CYTH3: variants seen among roughly 807,000 people sequenced by gnomAD.
CYTH3 encodes the protein cytohesin 3.
CYTH3 carries 23 observed loss-of-function variants against 55.1 expected under a neutral mutation model. The observed-to-expected ratio is 0.42, with a 90% CI of 0.30 to 0.59. The LOEUF (loss-of-function observed/expected upper bound fraction) is 0.59. Ranked by LOEUF, CYTH3 falls within the 20% of genes least tolerant of loss-of-function variation. The pLI is 0.20. For synonymous variants in CYTH3, 249 were observed against 194.9 expected, an observed-to-expected ratio of 1.28 and a Z score of -2.31; for missense variants, 413 against 524.8, an observed-to-expected ratio of 0.79 and a Z score of 2.08.
At position 6,169,558 on chromosome 7, in the gene CYTH3, G is replaced by A. The variant is rs926002882; in HGVS notation, c.823+977C>T. On this transcript the variant is annotated intron_variant, in intron 9 of 12. Transcript: ENST00000350796. This position sits in a 1 kb window ranked among gnomAD's most constrained non-coding sequence, Gnocchi z 4.1. ...CAGGATGCTCCACTCCATGTCTCAC[G>A]TGCTGCCCAGCGGCCGCCTGCTCTC... Among the ~76,000 whole-genome samples, 4 of 152,218 alleles carry A rather than the reference G, an allele frequency of 2.6e-5. No homozygotes were observed. Among genetic ancestry groups the A allele is most frequent in the African/African-American group, 9.6e-5 (4 of 41,534 alleles).
chr7:6,272,510 T>G lies in CYTH3; in HGVS notation c.-3A>C. On this transcript the variant is annotated 5_prime_UTR_variant, in exon 1 of 13. Coordinates refer to ENST00000350796, the MANE Select transcript of CYTH3 (RefSeq NM_004227.4). Reference sequence around the variant, plus strand: ...TCGCCGCCGCCGTCTTCATCCATCTTGAGGCCACTCCCGCAGCCGGCGAGC... The same window carrying G: ...TCGCCGCCGCCGTCTTCATCCATCTGGAGGCCACTCCCGCAGCCGGCGAGC... 1 of 1,323,976 alleles carries G rather than the reference T, an allele frequency of 7.6e-7. No individual in the cohort carries two copies. The allele number at this position is 1,323,976 out of a possible 1,614,324, so 82.0% of individuals were successfully genotyped here.
At position 6,187,181 on chromosome 7, in the gene CYTH3, C is replaced by A. The variant is rs927042371; in HGVS notation, c.183-65G>T. The A allele has an allele frequency of 7.9e-6, 12 of 1,515,198 alleles. No homozygotes were observed. The African/African-American group carries it at 1.4e-4, about 17-fold the overall frequency. 93.9% of individuals were successfully genotyped at this position (1,515,198 alleles called of 1,614,324 possible). ...TTCACAATGCAGCCCAGTCACGGCCCTCCAGTGTACTTTCCCCCGCAACAA... is the reference window on the plus strand; with the variant it reads ...TTCACAATGCAGCCCAGTCACGGCCATCCAGTGTACTTTCCCCCGCAACAA... On this transcript the variant is annotated intron_variant, in intron 3 of 12. Coordinates refer to ENST00000350796, the MANE Select transcript of CYTH3 (RefSeq NM_004227.4).
intron 1 of CYTH3, among the ~76,000 whole-genome samples, chr7:6,191,924 T>C (rs904572582): frequency 6.6e-6 from 1 of 150,438 alleles, no homozygotes; most frequent in Non-Finnish European, 1.5e-5. Context: ...CTAAAGAAAA[T>C]GAAAAATAGC....
chr7:6,248,389 G>C (rs1432117218), intron 1 of CYTH3, among the ~76,000 whole-genome samples: 1 of 152,122 alleles, frequency 6.6e-6, no homozygotes, highest in African/African-American at 2.4e-5. Context: ...CAGAGATGTG[G>C]TCCATCTTCA....
chr7:6,163,740 A>G lies in CYTH3; in HGVS notation c.*1204T>C, dbSNP rs10281120. ...GTTCTTCCCTCCTCGTAGGGAGGGC[A>G]CCTCTCTCAGGACACGGCGCACTAC... is the stretch of plus-strand genomic sequence containing the variant. On this transcript the variant is annotated 3_prime_UTR_variant, in exon 13 of 13. Coordinates refer to ENST00000350796, the MANE Select transcript of CYTH3 (RefSeq NM_004227.4). The G allele has an allele frequency of 0.063, 9,569 of 152,126 alleles. 735 individuals are homozygous for G. Among genetic ancestry groups the G allele is most frequent in the East Asian group, 0.4 (2,085 of 5,150 alleles). 9.4% of individuals were successfully genotyped at this position (152,126 alleles called of 1,614,324 possible). A position where few individuals can be genotyped will look rare whatever the true frequency, so the allele number is the denominator to read the frequency against.
intron 4 of CYTH3, among the ~76,000 whole-genome samples, chr7:6,182,034 T>G (rs1372789269): frequency 1.3e-5 from 2 of 152,156 alleles, no homozygotes; most frequent in Non-Finnish European, 2.9e-5. Context: ...TTTTTTTGCT[T>G]CTTCTGTTTT....
At chr7:6,259,347 TA>T (rs1366179516) in intron 1 of CYTH3, among the ~76,000 whole-genome samples, 1 of 152,176 alleles carries the variant, frequency 6.6e-6, no homozygotes, top group Non-Finnish European at 1.5e-5. Context: ...GTTGAGAGTT[TA>T]AAGCAGGAAC....
intron 1 of CYTH3, among the ~76,000 whole-genome samples, chr7:6,236,671 C>A (rs571648960): frequency 6.6e-6 from 1 of 152,282 alleles, no homozygotes; most frequent in African/African-American, 2.4e-5. Context: ...CAATTCTCCT[C>A]CTGCCTCAGC....
chr7:6,202,635 G>GT lies in CYTH3; in HGVS notation c.35-12105dup, dbSNP rs985620049. 6.6e-5 allele frequency among the ~76,000 whole-genome samples: 10 copies of GT among 151,942 alleles called. No homozygotes were observed. The South Asian group carries it at 8.3e-4, about 13-fold the overall frequency. ...TGCGCCGCCACGCCCAACTAATTTT[G>GT]TTTTTTTAGTAGAAAAGGGGTTTCT... On this transcript the variant is annotated intron_variant, in intron 1 of 12. Transcript: ENST00000350796.
At chr7:6,187,526 G>A in intron 3 of CYTH3, 131 bp downstream of exon 3, 2 of 798,580 alleles carry the variant, frequency 2.5e-6, no homozygotes, top group Non-Finnish European at 4.4e-6. Flanking sequence ...AGGGGGAGAG[G>A]AGAGGAATTA....
chr7:6,219,016 A>C (rs1297828698), intron 1 of CYTH3, among the ~76,000 whole-genome samples: 2 of 151,480 alleles, frequency 1.3e-5, no homozygotes, highest in East Asian at 1.9e-4. Context: ...AAAAAAAAAA[A>C]AAAAAAAAAA....
At chr7:6,227,018 T>C (rs1379489865) in intron 1 of CYTH3, among the ~76,000 whole-genome samples, 1 of 150,962 alleles carries the variant, frequency 6.6e-6, no homozygotes, top group African/African-American at 2.4e-5. Context: ...AGGCGGAGCT[T>C]GCAGTGAGCT....
At position 6,187,099 on chromosome 7, in the gene CYTH3, T is replaced by C. The variant is rs746407066; in HGVS notation, c.200A>G (p.Asn67Ser). 83 of 1,614,086 alleles carry C rather than the reference T, an allele frequency of 5.1e-5. No individual in the cohort carries two copies. Among genetic ancestry groups the C allele is most frequent in the Non-Finnish European group, 3.9e-5 (46 of 1,180,008 alleles). Reference sequence around the variant, plus strand: ...CTTTCTTCCCATGGCTATCTGTTTGTTCCTCTGAGTCGTTTTGCTATTGGT... The same window carrying C: ...CTTTCTTCCCATGGCTATCTGTTTGCTCCTCTGAGTCGTTTTGCTATTGGT... ...SVEESKTTQRNKQIAMGRKKF... is the reference protein window; with the variant it reads ...SVEESKTTQRSKQIAMGRKKF... Residue 67 changes from asparagine (N) to serine (S), a missense_variant, in exon 4 of 13, where the codon AAC becomes AGC. Coordinates refer to ENST00000350796, the MANE Select transcript of CYTH3 (RefSeq NM_004227.4).
At chr7:6,176,820 TTCATCATTAAGTA>T (rs776042441) in intron 5 of CYTH3, among the ~76,000 whole-genome samples, 4 of 152,208 alleles carry the variant, frequency 2.6e-5, no homozygotes, top group Non-Finnish European at 5.9e-5. Flanking sequence ...AGAGCAGTCT[TTCATCATTAAGTA>T]TGATGTTAAA....
At position 6,204,381 on chromosome 7, in the gene CYTH3, C is replaced by T. The variant is rs1190132781; in HGVS notation, c.35-13850G>A. 7.9e-5 allele frequency among the ~76,000 whole-genome samples: 12 copies of T among 152,216 alleles called. No individual in the cohort carries two copies. The East Asian group carries it at 2.3e-3, about 29-fold the overall frequency. On this transcript the variant is annotated intron_variant, in intron 1 of 12. Transcript: ENST00000350796. ...AAAGCTCAAAATTACATCTCCAGAT[C>T]CTCTTATTCTGCCAAACAGAGGCAG...
At chr7:6,235,722 C>T (rs1326488090) in intron 1 of CYTH3, among the ~76,000 whole-genome samples, 1 of 152,130 alleles carries the variant, frequency 6.6e-6, no homozygotes, top group African/African-American at 2.4e-5. Flanking sequence ...TCTTGCTGCT[C>T]ATTTACAATT....
At chr7:6,262,507 A>G (rs1780377597) in intron 1 of CYTH3, among the ~76,000 whole-genome samples, 2 of 152,198 alleles carry the variant, frequency 1.3e-5, no homozygotes. Context: ...AGTGACAATA[A>G]GACTGATGCA....
intron 1 of CYTH3, among the ~76,000 whole-genome samples, chr7:6,251,512 C>A (rs1000458327): frequency 6.6e-6 from 1 of 151,908 alleles, no homozygotes; most frequent in Admixed American, 6.6e-5. Flanking sequence ...TTCAAAATAC[C>A]GTTCATGGCG....
chr7:6,174,655 C>T (rs1783295363), intron 5 of CYTH3, among the ~76,000 whole-genome samples: 1 of 147,568 alleles, frequency 6.8e-6, no homozygotes, highest in Non-Finnish European at 1.5e-5. Flanking sequence ...TCAAGCGATA[C>T]TCCTGTCTCA....
Sources: gnomAD v4.1 joint callset for allele counts (sites outside exome capture counted in the v4.1 genomes callset) on GRCh38, gnomAD v4.1.1 for gene constraint, Gnocchi (gnomAD v3.1) non-coding constraint, MANE v1.5 for transcripts, NCBI Gene and HGNC (gene_info 2026-07-23, HGNC 2026-07-21) for gene names.